Variants in NTF3 observed in about 807,000 individuals in gnomAD.
The protein encoded by NTF3 is neurotrophin 3, also known as neurotrophin-3.
Under a neutral mutation model 26.3 loss-of-function variants are expected in NTF3, and 8 were observed. The observed-to-expected ratio is 0.30, with a 90% CI of 0.18 to 0.55. NTF3 has a LOEUF of 0.55. Among genes scored for constraint, NTF3 ranks in the 20% least tolerant of loss-of-function variants. The probability of loss-of-function intolerance (pLI) is 0.93; values close to 1 mark genes in which losing one functional copy is unlikely to be tolerated. For missense variants in NTF3, 276 were observed against 352.9 expected (o/e 0.78, Z 1.75); for synonymous variants, 154 against 145.5 (o/e 1.06, Z -0.42).
intron 1 of NTF3, among the ~76,000 whole-genome samples, chr12:5,436,898 C>T (rs987498592): frequency 1.2e-4 from 19 of 152,214 alleles, no homozygotes; most frequent in African/African-American, 3.9e-4. Context: ...CAGAGACAGA[C>T]ATTTCTTTAT....
At chr12:5,464,567 C>T (rs1252014153) in intron 1 of NTF3, among the ~76,000 whole-genome samples, 2 of 152,132 alleles carry the variant, frequency 1.3e-5, no homozygotes, top group Admixed American at 1.3e-4. Context: ...TCCACAGATT[C>T]CTGAGCCCCA....
At chr12:5,479,644 C>T (rs1940763597) in intron 1 of NTF3, among the ~76,000 whole-genome samples, 1 of 152,158 alleles carries the variant, frequency 6.6e-6, no homozygotes, top group Non-Finnish European at 1.5e-5. Flanking sequence ...ACTCTGTGCC[C>T]TGGATTTCTT....
At chr12:5,458,031 T>C (rs1225303384) in intron 1 of NTF3, among the ~76,000 whole-genome samples, 1 of 152,212 alleles carries the variant, frequency 6.6e-6, no homozygotes, top group Admixed American at 6.5e-5. Context: ...ATTTTTCTAC[T>C]TGAAATCTTA....
Position 5,445,547 on chromosome 12 carries a change from A to G in NTF3, c.18+13205A>G, listed in dbSNP as rs77485620. ...TTGGCAAAGCCAAAGGGAGCCAAAG[A>G]GGACCTCTAGTGTCTTTGCTCTCCC... On this transcript the variant is annotated intron_variant, in intron 1 of 1. Transcript: ENST00000423158. Among the ~76,000 whole-genome samples, 1,359 of 152,312 alleles carry G rather than the reference A, an allele frequency of 8.9e-3. 5 individuals carry two copies. Among genetic ancestry groups the G allele is most frequent in the Middle Eastern group, 0.02 (6 of 294 alleles).
intron 1 of NTF3, among the ~76,000 whole-genome samples, chr12:5,486,876 ACGTGG>A (rs1329890737): frequency 1.7e-4 from 23 of 133,286 alleles, no homozygotes; most frequent in African/African-American, 4.5e-4. Context: ...TCAGGTAGTT[ACGTGG>A]TGTGTGTGTG....
At chr12:5,439,570 A>G (rs893908189) in intron 1 of NTF3, among the ~76,000 whole-genome samples, 1 of 152,232 alleles carries the variant, frequency 6.6e-6, no homozygotes, top group African/African-American at 2.4e-5. Flanking sequence ...AGCATGTGTC[A>G]GATCTGTCTC....
At chr12:5,445,777 G>A (rs948251758) in intron 1 of NTF3, among the ~76,000 whole-genome samples, 34 of 152,172 alleles carry the variant, frequency 2.2e-4, no homozygotes, top group African/African-American at 6.8e-4. Context: ...CTGCCTTTTG[G>A]CGGCTTTGCC....
chr12:5,438,278 G>GT (rs1454468160), intron 1 of NTF3, among the ~76,000 whole-genome samples: 1 of 152,034 alleles, frequency 6.6e-6, no homozygotes, highest in East Asian at 1.9e-4. Context: ...TCAGTCTTTT[G>GT]TTTTACCTAA....
intron 1 of NTF3, among the ~76,000 whole-genome samples, chr12:5,437,515 T>C (rs1402032178): frequency 6.6e-6 from 1 of 152,170 alleles, no homozygotes; most frequent in Admixed American, 6.5e-5. Context: ...CCAGACCTTT[T>C]CCTGAGCAGT....
intron 1 of NTF3, among the ~76,000 whole-genome samples, chr12:5,434,761 C>T (rs1940146205): frequency 6.7e-6 from 1 of 149,426 alleles, no homozygotes; most frequent in African/African-American, 2.5e-5. Flanking sequence ...AGGAGGGCGG[C>T]TGTGTGTGTG....
chr12:5,491,203 G>T (rs1302755032), intron 1 of NTF3, among the ~76,000 whole-genome samples: 1 of 152,212 alleles, frequency 6.6e-6, no homozygotes, highest in Non-Finnish European at 1.5e-5. Flanking sequence ...TGAGGAGGTT[G>T]TCTAGGGTCC....
intron 1 of NTF3, among the ~76,000 whole-genome samples, chr12:5,438,184 C>T (rs892231477): frequency 6.6e-6 from 1 of 151,690 alleles, no homozygotes; most frequent in Non-Finnish European, 1.5e-5. Context: ...TTTCAGAGGA[C>T]TCATTTTAGA....
upstream of NTF3, among the ~76,000 whole-genome samples, chr12:5,430,985 T>C (rs1940079003): frequency 6.6e-6 from 1 of 151,968 alleles, no homozygotes; most frequent in Non-Finnish European, 1.5e-5. Flanking sequence ...CTAAGTGGTA[T>C]TTTTCCCCCT....
At chr12:5,471,767 C>T (rs573436177) in intron 1 of NTF3, among the ~76,000 whole-genome samples, 36 of 152,042 alleles carry the variant, frequency 2.4e-4, no homozygotes, top group Non-Finnish European at 3.4e-4. Flanking sequence ...CAGATCTCCT[C>T]GTGCATATCT....
intron 1 of NTF3, among the ~76,000 whole-genome samples, chr12:5,460,091 C>T (rs898510937): frequency 5.9e-5 from 9 of 152,122 alleles, no homozygotes; most frequent in Admixed American, 2.0e-4. Flanking sequence ...ACAGAGTTAC[C>T]GTATAACTCC....
rs1201722071 is a variant in NTF3 at position 5,432,348 on chromosome 12, G to A, written c.18+6G>A. The A allele has an allele frequency of 1.2e-6, 2 of 1,612,814 alleles. No homozygotes were observed. Among genetic ancestry groups the A allele is most frequent in the Middle Eastern group, 1.6e-4 (1 of 6,062 alleles). ...CCATGGTTACTTTTGCCACGGTAAG[G>A]GGAGGCGGCGGGCACCTTGGGTGGG... On this transcript the variant is annotated splice_donor_region_variant and intron_variant, in intron 1 of 1. Coordinates refer to ENST00000423158, the MANE Select transcript of NTF3 (RefSeq NM_001102654.2).
At chr12:5,487,880 T>C (rs938146809) in intron 1 of NTF3, among the ~76,000 whole-genome samples, 1 of 152,238 alleles carries the variant, frequency 6.6e-6, no homozygotes, top group Non-Finnish European at 1.5e-5. Context: ...TCTAGCTCAC[T>C]GACTGCTTCT....
intron 1 of NTF3, among the ~76,000 whole-genome samples, chr12:5,444,317 G>A (rs1940276332): frequency 6.6e-6 from 1 of 152,216 alleles, no homozygotes; most frequent in African/African-American, 2.4e-5. Context: ...CACAGAAAGA[G>A]AGCGTGAGCA....
At chr12:5,485,425 T>G (rs1173909587) in intron 1 of NTF3, among the ~76,000 whole-genome samples, 2 of 152,242 alleles carry the variant, frequency 1.3e-5, no homozygotes, top group Non-Finnish European at 1.5e-5. Flanking sequence ...TCCCTGGCTC[T>G]GTCTCTCAAT....
Sources: gnomAD v4.1 joint callset for allele counts (sites outside exome capture counted in the v4.1 genomes callset) on GRCh38, gnomAD v4.1.1 for gene constraint, MANE v1.5 for transcripts, NCBI Gene and HGNC (gene_info 2026-07-23, HGNC 2026-07-21) for gene names.